Variants in ZNF14 observed in about 807,000 individuals in gnomAD.
ZNF14 encodes gonadotropin inducible transcription repressor-4.
ZNF14 carries 9 observed loss-of-function variants against 11.3 expected under a neutral mutation model. That is an observed-to-expected ratio of 0.80 (90% confidence interval 0.48 to 1.39). The LOEUF (loss-of-function observed/expected upper bound fraction) is 1.39, where lower values mean the gene tolerates loss of function less well. Among genes scored for constraint, ZNF14 ranks in the 40% most tolerant of loss-of-function variants. ZNF14 has a pLI of 0.00. For missense variants in ZNF14, 711 were observed against 763.9 expected (o/e 0.93, Z 0.82); for synonymous variants, 239 against 245.7 (o/e 0.97, Z 0.25).
Position 19,712,264 on chromosome 19 carries a change from T to A in ZNF14, c.1017A>T (p.Glu339Asp), listed in dbSNP as rs1285782531. 6.2e-7 allele frequency: 1 copy of A among 1,613,766 alleles called. No homozygotes were observed. The highest frequency in any genetic ancestry group is 2.2e-5 in the East Asian group (1 of 44,846). Residue 339 changes from glutamate to aspartate, a missense_variant, in exon 4 of 4, where the codon GAA becomes GAT. Coordinates refer to ENST00000344099, the MANE Select transcript of ZNF14 (RefSeq NM_021030.3). ...TAGAAGAGTTGAAGGCTTTCCCACA[T>A]TCTTTACATTTATAAGGTCGAGCCC... ...HTGARPYKCKECGKAFNSSNS... is the reference protein window; with the variant it reads ...HTGARPYKCKDCGKAFNSSNS...
At chr19:19,730,224 A>G (rs1251434503) in intron 1 of ZNF14, among the ~76,000 whole-genome samples, 1 of 151,670 alleles carries the variant, frequency 6.6e-6, no homozygotes, top group Non-Finnish European at 1.5e-5. Flanking sequence ...GATGGATTTC[A>G]CTATGTTGGT....
chr19:19,723,815 G>A (rs1340688689), intron 1 of ZNF14, among the ~76,000 whole-genome samples: 2 of 132,408 alleles, frequency 1.5e-5, no homozygotes, highest in African/African-American at 5.6e-5. Flanking sequence ...GTCTTGGGAG[G>A]GTGTATGTCC....
Position 19,712,233 on chromosome 19 carries a change from A to G in ZNF14, c.1048T>C (p.Cys350Arg), listed in dbSNP as rs778206627. 4 of 1,613,866 alleles carry G rather than the reference A, an allele frequency of 2.5e-6. No individual in the cohort carries two copies. In the African/African-American group the frequency reaches 5.3e-5, roughly 22 times the overall value. ...ATATGAGTTCTTTCATGCACTCGAC[A>G]GGAATTAGAAGAGTTGAAGGCTTTC... ...CGKAFNSSNS[C>R]RVHERTHIGE... Residue 350 changes from cysteine (C) to arginine (R), a missense_variant, in exon 4 of 4, where the codon TGT (cysteine) becomes CGT (arginine). By Grantham distance (180) the Cys-to-Arg change is radical. Transcript: ENST00000344099.
intron 1 of ZNF14, among the ~76,000 whole-genome samples, chr19:19,718,789 A>G (rs540546207): frequency 3.3e-5 from 5 of 152,130 alleles, no homozygotes; most frequent in Admixed American, 3.3e-4. Context: ...TTTTTGAGAC[A>G]TTGTCACACT....
intron 1 of ZNF14, among the ~76,000 whole-genome samples, chr19:19,721,970 A>C (rs371783358): frequency 0.039 from 5,879 of 151,872 alleles, 160 homozygotes; most frequent in Middle Eastern, 0.11. Context: ...CTCAAAAAAA[A>C]AAAAAAAAAA....
intron 1 of ZNF14, among the ~76,000 whole-genome samples, chr19:19,716,955 A>C (rs1343525236): frequency 6.6e-6 from 1 of 152,214 alleles, no homozygotes; most frequent in Non-Finnish European, 1.5e-5. Context: ...GCATGTGTGA[A>C]GGTGAACCGT....
chr19:19,719,958 C>T (rs2062388112), intron 1 of ZNF14, among the ~76,000 whole-genome samples: 1 of 152,200 alleles, frequency 6.6e-6, no homozygotes, highest in South Asian at 2.1e-4. Flanking sequence ...ACAAAGCTGA[C>T]TTCACATCCT....
chr19:19,723,326 T>A (rs2062398217), intron 1 of ZNF14, among the ~76,000 whole-genome samples: 2 of 152,218 alleles, frequency 1.3e-5, no homozygotes, highest in South Asian at 4.1e-4. Context: ...CTTTTCTGCA[T>A]CTATTGAGAT....
intron 1 of ZNF14, among the ~76,000 whole-genome samples, 199 bp from the exon 2 acceptor site, chr19:19,714,686 A>G (rs534441722): frequency 7.5e-6 from 1 of 134,188 alleles, no homozygotes; most frequent in African/African-American, 2.7e-5. Flanking sequence ...AATTACTTCT[A>G]TTTTTTTCTT....
At chr19:19,714,065 A>G in intron 3 of ZNF14, 26 bp downstream of exon 3, 1 of 1,607,438 alleles carries the variant, frequency 6.2e-7, no homozygotes, top group African/African-American at 1.3e-5. Context: ...CCCACGGGCC[A>G]CTATTTTTCT....
At position 19,711,619 on chromosome 19, in the gene ZNF14, AGT is replaced by A. The variant is rs1214825061; in HGVS notation, c.1660_1661del (p.Thr554TrpfsTer8). ...GTTTACATTGATACGGTTTCTCTCC[AGT>A]GTGAGTCCTTTCATGCAATCGAATT... is the stretch of plus-strand genomic sequence containing the variant. Reference protein sequence around the residue: ...SQIRLHERTHTGEKPYQCKQC... With the variant: ...SQIRLHERTHXGEKPYQCKQC... On this transcript the variant is annotated frameshift_variant, in exon 4 of 4. Coordinates refer to ENST00000344099, the MANE Select transcript of ZNF14 (RefSeq NM_021030.3). LOFTEE classifies it low-confidence loss of function (END_TRUNC). 1.2e-6 allele frequency: 2 copies of A among 1,614,060 alleles called. No individual in the cohort carries two copies. The highest frequency in any genetic ancestry group is 2.2e-5 in the East Asian group (1 of 44,892).
In ZNF14 at chr19:19,721,050, C is replaced by T. The variant is rs536224588; in HGVS notation, c.4-6563G>A. 4.6e-5 allele frequency among the ~76,000 whole-genome samples: 7 copies of T among 152,238 alleles called. No homozygotes were observed. The South Asian group carries it at 8.3e-4, about 18-fold the overall frequency. On this transcript the variant is annotated intron_variant, in intron 1 of 3. Transcript: ENST00000344099. ...TTGGCTCACTGCAACCTCCACCTCC[C>T]GGGTTCAAGTGATCCTCCTGCCTCA...
At chr19:19,730,560 T>C (rs1354125899) in intron 1 of ZNF14, among the ~76,000 whole-genome samples, 1 of 152,224 alleles carries the variant, frequency 6.6e-6, no homozygotes, top group Non-Finnish European at 1.5e-5. Flanking sequence ...AAAGACTGAC[T>C]GCAAACCCAA....
Position 19,712,779 on chromosome 19 carries a change from G to C in ZNF14, c.502C>G (p.Pro168Ala), listed in dbSNP as rs887779538. 1.9e-6 allele frequency: 3 copies of C among 1,613,998 alleles called. No homozygotes were observed. Among genetic ancestry groups the C allele is most frequent in the Non-Finnish European group, 2.5e-6 (3 of 1,180,018 alleles). ...TTCCCACACTGTTTACATTCATAGGGCTTCACTCCAGTGTGAGTTCTTTCA... is the reference window on the plus strand; with the variant it reads ...TTCCCACACTGTTTACATTCATAGGCCTTCACTCCAGTGTGAGTTCTTTCA... ...KHERTHTGVK[P>A]YECKQCGKAF... The change falls in exon 4 of 4, where the codon CCC becomes GCC. Residue 168 changes from proline (P) to alanine (A), a missense_variant. Transcript: ENST00000344099.
Position 19,712,000 on chromosome 19 carries a change from G to A in ZNF14, c.1281C>T (p.Thr427=). 4 of 1,613,564 alleles carry A rather than the reference G, an allele frequency of 2.5e-6. No individual in the cohort carries two copies. The highest frequency in any genetic ancestry group is 1.3e-5 in the African/African-American group (1 of 74,844). ...TTTGAAGGGAACTTGAAAAACTGAA[G>A]GTTTTACCACATTGTTTACATTCAT... The part of the protein sequence containing the change: ...KPYECKQCGK[T]FSFSSSLQRH... The change falls in exon 4 of 4, where the codon ACC becomes ACT. Residue 427 remains threonine (T), a synonymous_variant. Coordinates refer to ENST00000344099, the MANE Select transcript of ZNF14 (RefSeq NM_021030.3).
At position 19,713,073 on chromosome 19, in the gene ZNF14, T is replaced by C; in HGVS notation, c.208A>G (p.Arg70Gly). ...CTACCTCTTCTACTTTCACAGAGTC[T>C]CTCAACCATATGACATCTGTAAAAA... ...GKNRRCHMVE[R>G]LCESRRGSKC... Residue 70 changes from arginine (R) to glycine (G), a missense_variant, in exon 4 of 4, where the codon AGA becomes GGA. Coordinates refer to ENST00000344099, the MANE Select transcript of ZNF14 (RefSeq NM_021030.3). 1 of 1,589,836 alleles carries C rather than the reference T, an allele frequency of 6.3e-7. No homozygotes were observed. The highest frequency in any genetic ancestry group is 8.6e-7 in the Non-Finnish European group (1 of 1,169,222).
intron 1 of ZNF14, among the ~76,000 whole-genome samples, chr19:19,730,910 C>T (rs1297212269): frequency 6.6e-6 from 1 of 152,048 alleles, no homozygotes; most frequent in Non-Finnish European, 1.5e-5. Context: ...GAAACTCCAT[C>T]TCAAAAGAAG....
At chr19:19,730,898 G>A (rs902841390) in intron 1 of ZNF14, among the ~76,000 whole-genome samples, 2 of 152,036 alleles carry the variant, frequency 1.3e-5, no homozygotes, top group Non-Finnish European at 2.9e-5. Context: ...GGCAACAAGA[G>A]TGAAACTCCA....
At position 19,732,917 on chromosome 19, in the gene ZNF14, C is replaced by T. The variant is rs185915743; in HGVS notation, c.3+39G>A. ...CGGCCTCGGCCACAGACGGTTCCAA[C>T]CAGAAACCTCCCCTCGGACACTGGC... On this transcript the variant is annotated intron_variant, in intron 1 of 3. Coordinates refer to ENST00000344099, the MANE Select transcript of ZNF14 (RefSeq NM_021030.3). 146 of 1,612,938 alleles carry T rather than the reference C, an allele frequency of 9.1e-5. 1 individual carries two copies. The African/African-American group carries it at 1.6e-3, about 18-fold the overall frequency.
Sources: allele counts gnomAD v4.1 joint callset (sites outside exome capture counted in the v4.1 genomes callset), GRCh38; gene constraint gnomAD v4.1.1; transcripts MANE v1.5; gene names NCBI Gene and HGNC (gene_info 2026-07-23, HGNC 2026-07-21).